Variants in NRG3 observed in about 807,000 individuals in gnomAD.
NRG3 encodes pro-neuregulin-3, membrane-bound isoform.
A neutral mutation model predicts 66.9 loss-of-function variants in NRG3; 31 were observed. The observed-to-expected ratio is 0.46, with a 90% CI of 0.35 to 0.63. The LOEUF (loss-of-function observed/expected upper bound fraction) is 0.63, where lower values mean the gene tolerates loss of function less well. NRG3 is among the 20% of genes least tolerant of loss of function. The probability of loss-of-function intolerance (pLI) is 0.00; values close to 1 mark genes in which losing one functional copy is unlikely to be tolerated. For synonymous variants in NRG3, 393 were observed against 359.4 expected (o/e 1.09, Z -1.06); for missense variants, 910 against 878.9 (o/e 1.04, Z -0.45).
At chr10:82,464,199 G>A (rs1196927687) in intron 2 of NRG3, among the ~76,000 whole-genome samples, 2 of 152,066 alleles carry the variant, frequency 1.3e-5, no homozygotes, top group African/African-American at 4.8e-5. Context: ...GTAGATTCAT[G>A]TGGCCTCTCC....
chr10:82,842,116 T>C (rs2063083686), intron 3 of NRG3, among the ~76,000 whole-genome samples: 2 of 152,076 alleles, frequency 1.3e-5, no homozygotes, highest in Non-Finnish European at 1.5e-5. Context: ...CCAGGCGTGG[T>C]GGTGTGCGCC....
chr10:82,057,590 A>G lies in NRG3; in HGVS notation c.823+181427A>G, dbSNP rs567986871. Among the ~76,000 whole-genome samples, 3 of 152,298 alleles carry G rather than the reference A, an allele frequency of 2.0e-5. No homozygotes were observed. In the South Asian group the frequency reaches 6.2e-4, roughly 32 times the overall value. Reference sequence around the variant, plus strand: ...CTACTTTCAGATAACTAGAGGCCTTAGCAATCTATAACTACTTTAAATTAT... The same window carrying G: ...CTACTTTCAGATAACTAGAGGCCTTGGCAATCTATAACTACTTTAAATTAT... On this transcript the variant is annotated intron_variant, in intron 1 of 8. Coordinates refer to ENST00000372141, the MANE Select transcript of NRG3 (RefSeq NM_001010848.4).
At chr10:82,277,476 T>C (rs1176602234) in intron 1 of NRG3, among the ~76,000 whole-genome samples, 2 of 152,118 alleles carry the variant, frequency 1.3e-5, no homozygotes, top group East Asian at 3.9e-4. Flanking sequence ...TTGCAAATGA[T>C]CATTAAGAAT....
chr10:82,289,856 C>T (rs12268417), intron 1 of NRG3, among the ~76,000 whole-genome samples: 38,119 of 151,956 alleles, frequency 0.25, 4,955 homozygotes, highest in Admixed American at 0.28. Context: ...CTTTAATAAC[C>T]ACTGCTCCAC....
intron 3 of NRG3, among the ~76,000 whole-genome samples, chr10:82,829,248 T>C (rs1241731121): frequency 6.6e-6 from 1 of 151,914 alleles, no homozygotes; most frequent in Non-Finnish European, 1.5e-5. Flanking sequence ...AAGGAGAGAG[T>C]GGCATCATTT....
chr10:82,739,570 G>C (rs1277514613), intron 3 of NRG3, among the ~76,000 whole-genome samples: 1 of 152,122 alleles, frequency 6.6e-6, no homozygotes, highest in Admixed American at 6.5e-5. Context: ...ACGTGTCTAG[G>C]CATCTTCCAA....
intron 2 of NRG3, among the ~76,000 whole-genome samples, chr10:82,709,355 G>T (rs2056510773): frequency 6.6e-6 from 1 of 150,534 alleles, no homozygotes; most frequent in African/African-American, 2.5e-5. Flanking sequence ...TCCAGCAGCT[G>T]GTTTTTTTTT....
At chr10:82,495,534 T>C (rs758915619) in intron 2 of NRG3, among the ~76,000 whole-genome samples, 1 of 152,150 alleles carries the variant, frequency 6.6e-6, no homozygotes, top group Non-Finnish European at 1.5e-5. Context: ...TAGATTTTTG[T>C]GTTTCCACCT....
At chr10:82,690,501 AAT>A (rs1281333025) in intron 2 of NRG3, among the ~76,000 whole-genome samples, 1 of 152,210 alleles carries the variant, frequency 6.6e-6, no homozygotes, top group Non-Finnish European at 1.5e-5. Flanking sequence ...TCACATAAAT[AAT>A]ATGTTACCAT....
chr10:82,728,657 A>G (rs181295129), intron 2 of NRG3, among the ~76,000 whole-genome samples: 1 of 152,324 alleles, frequency 6.6e-6, no homozygotes, highest in East Asian at 1.9e-4. Context: ...CATGTTAGTC[A>G]ATTACTCTTC....
intron 1 of NRG3, among the ~76,000 whole-genome samples, chr10:81,953,523 C>G (rs2133211933): frequency 6.6e-6 from 1 of 152,270 alleles, no homozygotes; most frequent in African/African-American, 2.4e-5. Context: ...TCACCAAGTC[C>G]ATCTCTTTTT....
intron 1 of NRG3, among the ~76,000 whole-genome samples, chr10:82,213,306 A>G (rs1247242064): frequency 6.6e-6 from 1 of 152,276 alleles, no homozygotes; most frequent in South Asian, 2.1e-4. Context: ...AAAACTATAA[A>G]CTTTTTGAGT....
At chr10:82,395,568 T>C (rs549961474) in intron 2 of NRG3, among the ~76,000 whole-genome samples, 90 of 152,326 alleles carry the variant, frequency 5.9e-4, no homozygotes, top group Middle Eastern at 3.4e-3. Context: ...TCTTTTAAAG[T>C]AAATTATAGA....
intron 1 of NRG3, among the ~76,000 whole-genome samples, chr10:82,146,941 A>G (rs2070311397): frequency 6.6e-6 from 1 of 152,150 alleles, no homozygotes; most frequent in East Asian, 1.9e-4. Flanking sequence ...AGCCAGCTAT[A>G]AAAGGAAAGA....
At chr10:82,922,175 A>G (rs757603726) in intron 4 of NRG3, among the ~76,000 whole-genome samples, 33 of 152,082 alleles carry the variant, frequency 2.2e-4, no homozygotes, top group Non-Finnish European at 4.0e-4. Flanking sequence ...ATATATATAT[A>G]TGTACATATT....
chr10:82,712,392 A>T (rs1199945777), intron 2 of NRG3, among the ~76,000 whole-genome samples: 3 of 152,190 alleles, frequency 2.0e-5, no homozygotes, highest in African/African-American at 7.2e-5. Context: ...GGAAAGCTTG[A>T]AATATTTTCA....
chr10:82,112,769 C>CA, intron 1 of NRG3, among the ~76,000 whole-genome samples: 1 of 152,210 alleles, frequency 6.6e-6, no homozygotes, highest in South Asian at 2.1e-4. Context: ...CAACTGTAAC[C>CA]ATAGTCACCT....
At chr10:82,281,230 G>C (rs970609746) in intron 1 of NRG3, among the ~76,000 whole-genome samples, 1 of 152,160 alleles carries the variant, frequency 6.6e-6, no homozygotes, top group Admixed American at 6.5e-5. Flanking sequence ...TTCCGTCTGG[G>C]ATGAGGTATG....
chr10:82,564,967 T>G lies in NRG3; in HGVS notation c.954-173610T>G, dbSNP rs1467428593. 9.9e-5 allele frequency among the ~76,000 whole-genome samples: 15 copies of G among 152,034 alleles called. 1 individual carries two copies. ...CCAGATTCTGTATAATACCCTGAAA[T>G]GCAGAGACCTTGTGTGCTTAGATGA... On this transcript the variant is annotated intron_variant, in intron 2 of 8. Transcript: ENST00000372141.
Sources: gnomAD v4.1 joint callset for allele counts (sites outside exome capture counted in the v4.1 genomes callset) on GRCh38, gnomAD v4.1.1 for gene constraint, MANE v1.5 for transcripts, NCBI Gene and HGNC (gene_info 2026-07-23, HGNC 2026-07-21) for gene names.